The following TTC7B variants were observed in gnomAD, a reference collection of about 807,000 sequenced individuals.
The protein encoded by TTC7B is tetratricopeptide repeat domain 7B.
TTC7B carries 28 observed loss-of-function variants against 106.8 expected under a neutral mutation model. The observed-to-expected ratio is 0.26, with a 90% CI of 0.19 to 0.36. TTC7B has a LOEUF of 0.36. TTC7B is among the 10% of genes least tolerant of loss of function. TTC7B has a pLI of 1.00. For missense variants in TTC7B, 862 were observed against 1,076.4 expected, an observed-to-expected ratio of 0.80 and a Z score of 2.79; for synonymous variants, 405 against 430.6, an observed-to-expected ratio of 0.94 and a Z score of 0.74.
At chr14:90,652,979 C>T (rs1885794947) in intron 12 of TTC7B, 81 bp from the exon 13 acceptor site, 4 of 1,415,740 alleles carry the variant, frequency 2.8e-6, no homozygotes, top group Non-Finnish European at 4.0e-6. Flanking sequence ...AAAACCTGTA[C>T]ATTCAACTGG....
Position 90,816,416 on chromosome 14 carries a change from A to C in TTC7B, c.-121T>G, listed in dbSNP as rs2031195469. The C allele has an allele frequency of 1.5e-5, 7 of 453,938 alleles. No individual in the cohort carries two copies. The highest frequency in any genetic ancestry group is 1.7e-5 in the Non-Finnish European group (6 of 348,668). The allele number at this position is 453,938 out of a possible 1,614,324, so 28.1% of individuals were successfully genotyped here. On this transcript the variant is annotated 5_prime_UTR_variant, in exon 1 of 20. Transcript: ENST00000328459. ...CTCCGGCTCCCGGCTCCGCGGCGTAACGGGAGCGCCGGCTGGGGAAGGGGC... is the reference window on the plus strand; with the variant it reads ...CTCCGGCTCCCGGCTCCGCGGCGTACCGGGAGCGCCGGCTGGGGAAGGGGC...
intron 9 of TTC7B, among the ~76,000 whole-genome samples, chr14:90,670,743 G>C (rs963152378): frequency 6.6e-6 from 1 of 152,076 alleles, no homozygotes; most frequent in Non-Finnish European, 1.5e-5. Context: ...TTTGGGGCAG[G>C]GTGTCATGAA....
chr14:90,780,437 G>A (rs375690096), intron 3 of TTC7B, among the ~76,000 whole-genome samples: 13 of 118,240 alleles, frequency 1.1e-4, no homozygotes, highest in African/African-American at 2.8e-4. Flanking sequence ...GAAAGAGAGA[G>A]AGAGAGAAGG....
At chr14:90,625,188 G>T (rs1301369476) in intron 15 of TTC7B, among the ~76,000 whole-genome samples, 1 of 152,218 alleles carries the variant, frequency 6.6e-6, no homozygotes, top group African/African-American at 2.4e-5. Context: ...CAATCAGAAT[G>T]GTAAGAGAAG....
rs1222755510 is a variant in TTC7B, at chr14:90,666,377, T to C, written c.1153-7990A>G. The stretch of plus-strand genomic sequence containing the variant: ...GGTTTCACTATGTTGACTGGGCTGG[T>C]CTCAACCTCCTGACCTCAGGTGATA... On this transcript the variant is annotated intron_variant, in intron 9 of 19. Coordinates refer to ENST00000328459, the MANE Select transcript of TTC7B (RefSeq NM_001010854.2). 2.0e-5 allele frequency among the ~76,000 whole-genome samples: 3 copies of C among 152,114 alleles called. No individual in the cohort carries two copies. In the East Asian group the frequency reaches 5.8e-4, roughly 29 times the overall value.
intron 18 of TTC7B, among the ~76,000 whole-genome samples, chr14:90,583,185 C>T (rs1891572109): frequency 6.6e-6 from 1 of 152,192 alleles, no homozygotes; most frequent in Admixed American, 6.5e-5. Flanking sequence ...AAAAGAATAT[C>T]ATTTATACTT....
intron 5 of TTC7B, among the ~76,000 whole-genome samples, chr14:90,729,373 G>T (rs535488323): frequency 6.6e-6 from 1 of 152,134 alleles, no homozygotes; most frequent in African/African-American, 2.4e-5. Flanking sequence ...GGAGGGGAAC[G>T]GGCCTCTAGG....
chr14:90,722,111 C>T (rs1391560969), intron 5 of TTC7B, among the ~76,000 whole-genome samples: 1 of 152,174 alleles, frequency 6.6e-6, no homozygotes, highest in Non-Finnish European at 1.5e-5. Flanking sequence ...ATGTGAGTGC[C>T]CAGGCGACAT....
chr14:90,808,904 GTGCAGGGA>G lies in TTC7B; in HGVS notation c.121+7263_121+7270del, dbSNP rs2140063856. 6.6e-6 allele frequency among the ~76,000 whole-genome samples: 1 copy of G among 152,332 alleles called. No individual in the cohort carries two copies. The highest frequency in any genetic ancestry group is 2.1e-4 in the South Asian group (1 of 4,832). On this transcript the variant is annotated intron_variant, in intron 1 of 19. Transcript: ENST00000328459. This position sits in a 1 kb window ranked among gnomAD's most constrained non-coding sequence, Gnocchi z 4.2. ...GGGCACAGCTGGCCGGGCAGCTGGGGTGCAGGGATGCTCTGGGTAAGTAAGAGGTGTAC... is the reference window on the plus strand; with the variant it reads ...GGGCACAGCTGGCCGGGCAGCTGGGGTGCTCTGGGTAAGTAAGAGGTGTAC...
At chr14:90,789,274 T>C (rs1437790805) in intron 1 of TTC7B, among the ~76,000 whole-genome samples, 1 of 152,024 alleles carries the variant, frequency 6.6e-6, no homozygotes, top group East Asian at 2.0e-4. Context: ...AATTTTGTAT[T>C]TTTAGTAGAG....
chr14:90,731,512 C>T (rs1030073561), intron 4 of TTC7B, among the ~76,000 whole-genome samples: 21 of 152,300 alleles, frequency 1.4e-4, no homozygotes, highest in African/African-American at 2.9e-4. Context: ...ACATGATAAA[C>T]GAGACATCGA....
chr14:90,635,649 A>G (rs1156286731), intron 15 of TTC7B, among the ~76,000 whole-genome samples: 3 of 151,572 alleles, frequency 2.0e-5, no homozygotes, highest in Non-Finnish European at 4.4e-5. Context: ...AGTCCCAGCT[A>G]CTTGGGAGGC....
chr14:90,617,383 C>T (rs1277268302), intron 16 of TTC7B, among the ~76,000 whole-genome samples: 1 of 152,212 alleles, frequency 6.6e-6, no homozygotes, highest in Non-Finnish European at 1.5e-5. Flanking sequence ...TAGGTCTTAA[C>T]ATTTTCCTGG....
At chr14:90,729,500 G>A (rs1442220303) in intron 5 of TTC7B, among the ~76,000 whole-genome samples, 1 of 152,200 alleles carries the variant, frequency 6.6e-6, no homozygotes, top group Non-Finnish European at 1.5e-5. Context: ...GAAGAGATTT[G>A]GAACAGAATC....
intron 19 of TTC7B, among the ~76,000 whole-genome samples, chr14:90,551,686 A>C (rs1367146669): frequency 6.6e-6 from 1 of 152,248 alleles, no homozygotes; most frequent in East Asian, 1.9e-4. Flanking sequence ...AGAAGCCCAC[A>C]GGAGACTGGC....
intron 13 of TTC7B, among the ~76,000 whole-genome samples, chr14:90,649,453 C>T (rs1885620513): frequency 6.6e-6 from 1 of 152,182 alleles, no homozygotes; most frequent in African/African-American, 2.4e-5. Context: ...CAGAAATCCT[C>T]AGGCCAGGCA....
intron 15 of TTC7B, among the ~76,000 whole-genome samples, chr14:90,639,236 T>A (rs1016888820): frequency 6.6e-6 from 1 of 152,166 alleles, no homozygotes; most frequent in Non-Finnish European, 1.5e-5. Flanking sequence ...CTTCTGTTTA[T>A]CAAAAGACAT....
rs998330140 is a variant in TTC7B, at chr14:90,663,555, A to G, written c.1153-5168T>C. On this transcript the variant is annotated intron_variant, in intron 9 of 19. Coordinates refer to ENST00000328459, the MANE Select transcript of TTC7B (RefSeq NM_001010854.2). The surrounding 1 kb of genome is among the most constrained non-coding windows in gnomAD (Gnocchi z 4.5). The stretch of plus-strand genomic sequence containing the variant: ...CAACTTTACTGATCCCACGATATCC[A>G]CCAGCACCACGGCAGCCAGTGGTGC... 6.6e-6 allele frequency among the ~76,000 whole-genome samples: 1 copy of G among 152,062 alleles called. No homozygotes were observed. Among genetic ancestry groups the G allele is most frequent in the African/African-American group, 2.4e-5 (1 of 41,400 alleles).
In TTC7B at chr14:90,535,286, G is replaced by T. The variant is rs1056194506; in HGVS notation, c.*6082C>A. Reference sequence around the variant, plus strand: ...GCTCTGTCCTGAGATCCTCTTGGCTGAGTGGGGCGGCTCCTTCAAAGAAGG... The same window carrying T: ...GCTCTGTCCTGAGATCCTCTTGGCTTAGTGGGGCGGCTCCTTCAAAGAAGG... On this transcript the variant is annotated 3_prime_UTR_variant, in exon 20 of 20. Coordinates refer to ENST00000328459, the MANE Select transcript of TTC7B (RefSeq NM_001010854.2). 4 of 152,362 alleles carry T rather than the reference G, an allele frequency of 2.6e-5. No homozygotes were observed. The highest frequency in any genetic ancestry group is 9.7e-5 in the African/African-American group (4 of 41,410). 9.4% of individuals were successfully genotyped at this position (152,362 alleles called of 1,614,324 possible).
Sources: gnomAD v4.1 joint callset for allele counts (sites outside exome capture counted in the v4.1 genomes callset) on GRCh38, gnomAD v4.1.1 for gene constraint, Gnocchi (gnomAD v3.1) non-coding constraint, MANE v1.5 for transcripts, NCBI Gene and HGNC (gene_info 2026-07-23, HGNC 2026-07-21) for gene names.